The following SGCZ variants were observed in gnomAD, a reference collection of about 807,000 sequenced individuals.
The protein encoded by SGCZ is sarcoglycan zeta.
Under a neutral mutation model 41.3 loss-of-function variants are expected in SGCZ, and 40 were observed. The observed-to-expected ratio is 0.97, with a 90% CI of 0.75 to 1.26. The LOEUF is 1.26. SGCZ is among the 50% of genes most tolerant of loss of function. The probability of loss-of-function intolerance (pLI) is 0.00; values close to 1 mark genes in which losing one functional copy is unlikely to be tolerated. For synonymous variants in SGCZ, 206 were observed against 137.5 expected, an observed-to-expected ratio of 1.50 and a Z score of -3.49; for missense variants, 552 against 369.8, an observed-to-expected ratio of 1.49 and a Z score of -4.04.
At chr8:15,126,298 G>T (rs544831274) in intron 1 of SGCZ, among the ~76,000 whole-genome samples, 1 of 152,116 alleles carries the variant, frequency 6.6e-6, no homozygotes, top group Non-Finnish European at 1.5e-5. Context: ...TATATCTACA[G>T]AGATATGATT....
chr8:14,630,761 T>C (rs2117396458), intron 1 of SGCZ, among the ~76,000 whole-genome samples: 1 of 151,254 alleles, frequency 6.6e-6, no homozygotes, highest in East Asian at 2.0e-4. Context: ...CTGAGCAAAC[T>C]GTCACAAGGA....
At chr8:14,929,508 G>A (rs1042796937) in intron 1 of SGCZ, among the ~76,000 whole-genome samples, 1 of 150,842 alleles carries the variant, frequency 6.6e-6, no homozygotes, top group African/African-American at 2.5e-5. Flanking sequence ...ACCTGAGGCT[G>A]ACGCAGCCTA....
chr8:14,437,647 T>A (rs1035714829), intron 2 of SGCZ, among the ~76,000 whole-genome samples: 10 of 151,928 alleles, frequency 6.6e-5, no homozygotes, highest in South Asian at 2.1e-4. Flanking sequence ...TTCTTCAGAA[T>A]CCTCAATAAC....
intron 1 of SGCZ, among the ~76,000 whole-genome samples, chr8:14,895,800 C>T (rs1028046900): frequency 6.6e-6 from 1 of 152,182 alleles, no homozygotes; most frequent in Admixed American, 6.5e-5. Flanking sequence ...CTGGAATAGC[C>T]TAAGAAGCTT....
chr8:14,770,869 G>T (rs1221415154), intron 1 of SGCZ, among the ~76,000 whole-genome samples: 2 of 152,020 alleles, frequency 1.3e-5, no homozygotes, highest in Admixed American at 1.3e-4. Flanking sequence ...TCAAGGCAAG[G>T]CATCAAAACA....
chr8:14,953,767 A>G (rs60906550), intron 1 of SGCZ, among the ~76,000 whole-genome samples: 1 of 152,098 alleles, frequency 6.6e-6, no homozygotes, highest in African/African-American at 2.4e-5. Flanking sequence ...GAATTAATTC[A>G]GGATAAGTGT....
chr8:15,071,473 T>G (rs986232361), intron 1 of SGCZ, among the ~76,000 whole-genome samples: 3 of 152,208 alleles, frequency 2.0e-5, no homozygotes, highest in Non-Finnish European at 4.4e-5. Context: ...AAGTTTCCTG[T>G]GTAATTTGAT....
In SGCZ at chr8:15,220,886, C is replaced by T. The variant is rs527938502; in HGVS notation, c.39+16699G>A. Among the ~76,000 whole-genome samples, 271 of 152,214 alleles carry T rather than the reference C, an allele frequency of 1.8e-3. 2 individuals are homozygous for T. The highest frequency in any genetic ancestry group is 6.3e-3 in the African/African-American group (260 of 41,544). On this transcript the variant is annotated intron_variant, in intron 1 of 7. Coordinates refer to ENST00000382080, the MANE Select transcript of SGCZ (RefSeq NM_139167.4). The stretch of plus-strand genomic sequence containing the variant: ...CAGGGACATGGATGAAGCAGGAAAC[C>T]ATCATTCTGAGCAAACTATCACAAG...
At chr8:14,337,094 A>T (rs536044742) in intron 2 of SGCZ, among the ~76,000 whole-genome samples, 1 of 152,138 alleles carries the variant, frequency 6.6e-6, no homozygotes, top group East Asian at 1.9e-4. Flanking sequence ...AAGTATCTCC[A>T]TAGTTCCCTA....
intron 1 of SGCZ, among the ~76,000 whole-genome samples, chr8:15,223,523 T>A (rs561653760): frequency 6.6e-6 from 1 of 152,348 alleles, no homozygotes; most frequent in South Asian, 2.1e-4. Context: ...TGTGTTTTAA[T>A]TCTGTATTTG....
intron 4 of SGCZ, among the ~76,000 whole-genome samples, chr8:14,177,942 T>TCTTTTCTTTTTTTTTC (rs1804598665): frequency 7.6e-6 from 1 of 130,782 alleles, no homozygotes; most frequent in East Asian, 2.1e-4. Context: ...CTTTTTTCCT[T>TCTTTTCTTTTTTTTTC]CTTTTCTTTT....
chr8:14,774,694 T>G (rs1431002124), intron 1 of SGCZ, among the ~76,000 whole-genome samples: 1 of 152,204 alleles, frequency 6.6e-6, no homozygotes, highest in Non-Finnish European at 1.5e-5. Context: ...TCAAAGTATT[T>G]AAGAAATCGC....
intron 2 of SGCZ, among the ~76,000 whole-genome samples, chr8:14,439,256 G>T (rs1216312286): frequency 1.3e-5 from 2 of 149,896 alleles, no homozygotes; most frequent in Non-Finnish European, 3.0e-5. Context: ...GGAGTTTTTG[G>T]CTTGGTATTG....
chr8:14,893,349 A>G (rs1378509171), intron 1 of SGCZ, among the ~76,000 whole-genome samples: 3 of 152,190 alleles, frequency 2.0e-5, no homozygotes, highest in African/African-American at 7.2e-5. Flanking sequence ...CAGCCCTGCC[A>G]TCACCTTAAA....
At chr8:14,787,111 G>A (rs1011274024) in intron 1 of SGCZ, among the ~76,000 whole-genome samples, 20 of 152,062 alleles carry the variant, frequency 1.3e-4, no homozygotes, top group African/African-American at 4.8e-4. Flanking sequence ...ATTTTATGTG[G>A]AGCCATATGA....
At chr8:14,394,153 T>TCCCCC (rs1563300661) in intron 2 of SGCZ, among the ~76,000 whole-genome samples, 40 of 87,668 alleles carry the variant, frequency 4.6e-4, no homozygotes, top group African/African-American at 1.3e-3. Context: ...CTTTTTTTTT[T>TCCCCC]TTTTTTTTTT....
At chr8:14,532,724 G>T (rs56027140) in intron 2 of SGCZ, among the ~76,000 whole-genome samples, 21 of 116,446 alleles carry the variant, frequency 1.8e-4, no homozygotes, top group Non-Finnish European at 2.8e-4. Flanking sequence ...GGGGAGGGCG[G>T]GGGGGAGGAG....
At chr8:14,913,534 T>G (rs750993969) in intron 1 of SGCZ, among the ~76,000 whole-genome samples, 1 of 152,070 alleles carries the variant, frequency 6.6e-6, no homozygotes, top group Non-Finnish European at 1.5e-5. Context: ...CCTAAAAAGT[T>G]TATTGTTTCC....
At chr8:14,998,047 G>T (rs1314584186) in intron 1 of SGCZ, among the ~76,000 whole-genome samples, 1 of 152,080 alleles carries the variant, frequency 6.6e-6, no homozygotes, top group Non-Finnish European at 1.5e-5. Flanking sequence ...CCTCCCTTTT[G>T]TCAGAAACAT....
Sources: gnomAD v4.1 joint callset for allele counts (sites outside exome capture counted in the v4.1 genomes callset) on GRCh38, gnomAD v4.1.1 for gene constraint, MANE v1.5 for transcripts, NCBI Gene and HGNC (gene_info 2026-07-23, HGNC 2026-07-21) for gene names.